DLG2: variants seen among roughly 807,000 people sequenced by gnomAD.
DLG2 encodes discs large MAGUK scaffold protein 2, also known as disks large homolog 2.
DLG2 carries 45 observed loss-of-function variants against 132.5 expected under a neutral mutation model. The ratio of observed to expected loss-of-function variants is 0.34; its 90% confidence interval spans 0.27 to 0.44. The LOEUF is 0.44. Ranked by LOEUF, DLG2 falls within the 20% of genes least tolerant of loss-of-function variation. The pLI is 1.00. For synonymous variants in DLG2, 424 were observed against 419.6 expected, an observed-to-expected ratio of 1.01 and a Z score of -0.13; for missense variants, 1,045 against 1,196.9, an observed-to-expected ratio of 0.87 and a Z score of 1.87.
At chr11:84,694,976 C>A (rs1277127949) in intron 6 of DLG2, among the ~76,000 whole-genome samples, 2 of 151,500 alleles carry the variant, frequency 1.3e-5, no homozygotes, top group African/African-American at 4.8e-5. Context: ...AATTGTTCGC[C>A]TCATTGCTCC....
intron 11 of DLG2, among the ~76,000 whole-genome samples, chr11:84,028,460 G>A (rs886300151): frequency 2.0e-5 from 3 of 148,352 alleles, no homozygotes; most frequent in African/African-American, 5.0e-5. Context: ...CTGTAACACT[G>A]ATCCTTGAAC....
At chr11:85,016,078 G>A (rs941311628) in intron 6 of DLG2, among the ~76,000 whole-genome samples, 2 of 151,890 alleles carry the variant, frequency 1.3e-5, no homozygotes, top group African/African-American at 2.4e-5. Flanking sequence ...AGGTAAAAAC[G>A]TCATTGTCAA....
chr11:83,727,410 T>C (rs1407462892), intron 18 of DLG2, among the ~76,000 whole-genome samples: 1 of 152,196 alleles, frequency 6.6e-6, no homozygotes, highest in African/African-American at 2.4e-5. Flanking sequence ...CCAAGGCTAA[T>C]GTGGTGCACA....
chr11:84,471,507 C>G (rs1471815635), intron 7 of DLG2, among the ~76,000 whole-genome samples: 1 of 151,590 alleles, frequency 6.6e-6, no homozygotes, highest in African/African-American at 2.4e-5. Flanking sequence ...ATCTGACAGC[C>G]TTTAGCTCTG....
At chr11:83,499,883 A>ATATATAT (rs2094370121) in intron 21 of DLG2, among the ~76,000 whole-genome samples, 1 of 93,226 alleles carries the variant, frequency 1.1e-5, no homozygotes, top group African/African-American at 4.8e-5. Flanking sequence ...ATATATATAT[A>ATATATAT]TATATATATA....
intron 6 of DLG2, among the ~76,000 whole-genome samples, chr11:84,689,018 T>C (rs2057699476): frequency 6.6e-6 from 1 of 152,214 alleles, no homozygotes; most frequent in Non-Finnish European, 1.5e-5. Flanking sequence ...TTAAGCAGAC[T>C]GGAGACTATC....
chr11:84,412,728 G>A (rs118150772), intron 7 of DLG2, among the ~76,000 whole-genome samples: 1 of 152,128 alleles, frequency 6.6e-6, no homozygotes, highest in Non-Finnish European at 1.5e-5. Context: ...CTGCCTTAAG[G>A]CTCCATGGTT....
intron 10 of DLG2, among the ~76,000 whole-genome samples, chr11:84,060,930 C>T (rs1448136902): frequency 1.3e-5 from 2 of 152,144 alleles, no homozygotes; most frequent in African/African-American, 2.4e-5. Context: ...AGGTGAACCA[C>T]CTCCACAAAC....
intron 6 of DLG2, among the ~76,000 whole-genome samples, chr11:85,004,179 T>C (rs542971014): frequency 1.4e-4 from 22 of 152,302 alleles, no homozygotes; most frequent in African/African-American, 4.6e-4. Context: ...GCAATAAACA[T>C]ACATGTGCAC....
chr11:83,823,646 GTCATTCAT>G (rs112028362), intron 17 of DLG2, among the ~76,000 whole-genome samples: 13 of 149,714 alleles, frequency 8.7e-5, no homozygotes, highest in African/African-American at 2.3e-4. Context: ...GCAAAGATGA[GTCATTCAT>G]TCATTCATTC....
At position 83,784,413 on chromosome 11, in the gene DLG2, C is replaced by T. The variant is rs528644816; in HGVS notation, c.1825+2277G>A. On this transcript the variant is annotated intron_variant, in intron 18 of 27. Coordinates refer to ENST00000376104, the MANE Select transcript of DLG2 (RefSeq NM_001142699.3). ...AAAGAAATCTGATTGCTTGATGTTG[C>T]CATTACCACATTTCCAACTAATTTA... Among the ~76,000 whole-genome samples, 80 of 152,262 alleles carry T rather than the reference C, an allele frequency of 5.3e-4. 1 individual carries two copies. The South Asian group carries it at 0.015, about 29-fold the overall frequency.
chr11:84,593,315 A>T (rs1349656394), intron 6 of DLG2, among the ~76,000 whole-genome samples: 3 of 152,146 alleles, frequency 2.0e-5, no homozygotes, highest in Non-Finnish European at 2.9e-5. Flanking sequence ...AAGGATTATA[A>T]ATCATTCTAC....
intron 6 of DLG2, among the ~76,000 whole-genome samples, chr11:84,959,496 G>A (rs968725799): frequency 6.6e-6 from 1 of 152,084 alleles, no homozygotes; most frequent in African/African-American, 2.4e-5. Context: ...TTACGCCTTT[G>A]TATCTGCTTC....
intron 3 of DLG2, among the ~76,000 whole-genome samples, chr11:85,594,021 A>T (rs1295362549): frequency 6.6e-6 from 1 of 152,204 alleles, no homozygotes; most frequent in East Asian, 1.9e-4. Context: ...TAAATGAATA[A>T]AAATTTATTA....
chr11:84,478,028 A>C (rs1210978046), intron 7 of DLG2, among the ~76,000 whole-genome samples: 1 of 152,116 alleles, frequency 6.6e-6, no homozygotes, highest in Non-Finnish European at 1.5e-5. Context: ...AGGTCAAGAA[A>C]CTCCAAAGTC....
chr11:84,055,495 G>T (rs2096483234), intron 11 of DLG2, among the ~76,000 whole-genome samples: 1 of 151,864 alleles, frequency 6.6e-6, no homozygotes, highest in Non-Finnish European at 1.5e-5. Context: ...GCATGATCTG[G>T]CCCTTGCTCA....
chr11:85,545,420 A>G (rs1468494416), intron 3 of DLG2, among the ~76,000 whole-genome samples: 1 of 152,048 alleles, frequency 6.6e-6, no homozygotes, highest in Non-Finnish European at 1.5e-5. Context: ...TCGCATCAAC[A>G]TTCATCAGGG....
chr11:85,420,747 C>A (rs1310070954), intron 3 of DLG2, among the ~76,000 whole-genome samples: 1 of 152,170 alleles, frequency 6.6e-6, no homozygotes, highest in Non-Finnish European at 1.5e-5. Context: ...AAAAACCAAC[C>A]ACCTACTCAA....
chr11:84,680,329 A>G (rs535165202), intron 6 of DLG2, among the ~76,000 whole-genome samples: 3 of 152,266 alleles, frequency 2.0e-5, no homozygotes, highest in South Asian at 2.1e-4. Context: ...AAAGAGTATG[A>G]CAATTTGCCT....
Sources: allele counts gnomAD v4.1 joint callset (sites outside exome capture counted in the v4.1 genomes callset), GRCh38; gene constraint gnomAD v4.1.1; transcripts MANE v1.5; gene names NCBI Gene and HGNC (gene_info 2026-07-23, HGNC 2026-07-21).